KHDRBS3: variants seen among roughly 807,000 people sequenced by gnomAD.
KHDRBS3 encodes the protein KH domain-containing, RNA-binding, signal transduction-associated protein 3.
KHDRBS3 carries 23 observed loss-of-function variants against 45.6 expected under a neutral mutation model. The observed-to-expected ratio is 0.50, with a 90% confidence interval of 0.36 to 0.72. The LOEUF (loss-of-function observed/expected upper bound fraction) is 0.72. KHDRBS3 is among the 30% of genes least tolerant of loss of function. KHDRBS3 has a pLI of 0.00. For missense variants in KHDRBS3, 352 were observed against 424.8 expected (o/e 0.83, Z 1.51); for synonymous variants, 162 against 156.5 (o/e 1.04, Z -0.26).
At chr8:135,522,950 A>T (rs1824992783) in intron 2 of KHDRBS3, among the ~76,000 whole-genome samples, 1 of 152,120 alleles carries the variant, frequency 6.6e-6, no homozygotes, top group Non-Finnish European at 1.5e-5. Context: ...GCCTTTGATG[A>T]GACAATCAGG....
chr8:135,635,177 A>G (rs1478677604), intron 7 of KHDRBS3, among the ~76,000 whole-genome samples: 1 of 152,222 alleles, frequency 6.6e-6, no homozygotes, highest in Admixed American at 6.5e-5. Flanking sequence ...ATTTTTATGA[A>G]AAATCTCTAT....
At chr8:135,469,590 G>A (rs931296796) in intron 1 of KHDRBS3, among the ~76,000 whole-genome samples, 2 of 147,002 alleles carry the variant, frequency 1.4e-5, no homozygotes, top group Middle Eastern at 3.6e-3. Context: ...GTGCAATGGC[G>A]CGGTCTTGGC....
At chr8:135,590,736 T>A (rs562253835) in intron 6 of KHDRBS3, among the ~76,000 whole-genome samples, 116 of 152,336 alleles carry the variant, frequency 7.6e-4, no homozygotes, top group African/African-American at 2.8e-3. Context: ...AAATGAGATT[T>A]AAAAAATACA....
intron 1 of KHDRBS3, among the ~76,000 whole-genome samples, chr8:135,492,516 C>CATAT (rs3029812): frequency 0.098 from 14,223 of 145,658 alleles, 1,416 homozygotes; most frequent in East Asian, 0.41. Flanking sequence ...TATATATATA[C>CATAT]ATATATATAT....
At chr8:135,517,155 C>G (rs1824652782) in intron 1 of KHDRBS3, among the ~76,000 whole-genome samples, 1 of 152,166 alleles carries the variant, frequency 6.6e-6, no homozygotes, top group Admixed American at 6.5e-5. Context: ...GGTTTGAAAA[C>G]ATAGCATTTT....
At chr8:135,617,036 C>T (rs552727275) in intron 7 of KHDRBS3, among the ~76,000 whole-genome samples, 1 of 151,980 alleles carries the variant, frequency 6.6e-6, no homozygotes, top group African/African-American at 2.4e-5. Context: ...AGCTCTACTA[C>T]TTTCTTAGCT....
At chr8:135,582,224 A>T in intron 6 of KHDRBS3, 151 bp downstream of exon 6, 5 of 725,070 alleles carry the variant, frequency 6.9e-6, no homozygotes, top group Non-Finnish European at 1.0e-5. Flanking sequence ...AGTGCTAAAG[A>T]AGTACTTAAT....
At chr8:135,458,249 G>C (rs1821220644) in intron 1 of KHDRBS3, 2 of 1,128,714 alleles carry the variant, frequency 1.8e-6, no homozygotes, top group South Asian at 4.5e-5. Context: ...GTGGGGGACA[G>C]CGACCATCTG....
intron 6 of KHDRBS3, among the ~76,000 whole-genome samples, chr8:135,606,066 T>C (rs574267343): frequency 1.3e-5 from 2 of 152,292 alleles, no homozygotes; most frequent in South Asian, 2.1e-4. Flanking sequence ...GTCTCCTCTG[T>C]GTTAGTTTAC....
intron 2 of KHDRBS3, among the ~76,000 whole-genome samples, chr8:135,527,006 C>A (rs1825223570): frequency 6.6e-6 from 1 of 151,796 alleles, no homozygotes; most frequent in East Asian, 1.9e-4. Flanking sequence ...TCAATATAAA[C>A]CCCAAATCAA....
chr8:135,606,779 G>T (rs377090029), intron 6 of KHDRBS3, among the ~76,000 whole-genome samples, 176 bp from the exon 7 acceptor site: 1 of 152,134 alleles, frequency 6.6e-6, no homozygotes, highest in Non-Finnish European at 1.5e-5. Context: ...CTTTGCTTTT[G>T]TAGAGAGAAT....
At chr8:135,597,706 A>G (rs761639558) in intron 6 of KHDRBS3, among the ~76,000 whole-genome samples, 7 of 152,142 alleles carry the variant, frequency 4.6e-5, no homozygotes, top group Non-Finnish European at 7.3e-5. Context: ...CCTAGTTGGC[A>G]TTCAACAACA....
In KHDRBS3 at chr8:135,463,277, G is replaced by A. The variant is rs1586546378; in HGVS notation, c.88+5323G>A. On this transcript the variant is annotated intron_variant, in intron 1 of 8. Transcript: ENST00000355849. ...TGTTACGTGTTAATTATCATTAAGGGTAGCAGAATCAGAAAGTATATTTGG... is the reference window on the plus strand; with the variant it reads ...TGTTACGTGTTAATTATCATTAAGGATAGCAGAATCAGAAAGTATATTTGG... Among the ~76,000 whole-genome samples the A allele has an allele frequency of 2.0e-5, 3 of 152,128 alleles. No homozygotes were observed. In the East Asian group the frequency reaches 5.8e-4, roughly 29 times the overall value.
At chr8:135,613,719 T>TG (rs1829797945) in intron 7 of KHDRBS3, among the ~76,000 whole-genome samples, 1 of 151,642 alleles carries the variant, frequency 6.6e-6, no homozygotes, top group Non-Finnish European at 1.5e-5. Flanking sequence ...TTCCTGTGGA[T>TG]GGTCAGTGTC....
At chr8:135,480,596 A>G (rs903348080) in intron 1 of KHDRBS3, among the ~76,000 whole-genome samples, 3 of 152,148 alleles carry the variant, frequency 2.0e-5, no homozygotes, top group Non-Finnish European at 2.9e-5. Context: ...GGCACTCTTT[A>G]CATACTTGAA....
chr8:135,469,147 T>C (rs900845059), intron 1 of KHDRBS3, among the ~76,000 whole-genome samples: 3 of 152,248 alleles, frequency 2.0e-5, no homozygotes, highest in African/African-American at 7.2e-5. Context: ...TATACCCCTT[T>C]TATTGTCTCA....
At chr8:135,620,854 C>T (rs1830109833) in intron 7 of KHDRBS3, among the ~76,000 whole-genome samples, 3 of 152,158 alleles carry the variant, frequency 2.0e-5, no homozygotes, top group Admixed American at 2.0e-4. Flanking sequence ...GCGGAACCTG[C>T]TGGACTTGAG....
At chr8:135,567,790 G>A (rs1827502410) in intron 5 of KHDRBS3, among the ~76,000 whole-genome samples, 2 of 152,202 alleles carry the variant, frequency 1.3e-5, no homozygotes. Context: ...AAGACTAAGA[G>A]CAAAGTACTA....
chr8:135,610,413 A>C (rs1044391872), intron 7 of KHDRBS3, among the ~76,000 whole-genome samples: 2 of 151,884 alleles, frequency 1.3e-5, no homozygotes, highest in African/African-American at 4.9e-5. Flanking sequence ...TTATATATTT[A>C]TATGACAGAT....
Sources: allele counts gnomAD v4.1 joint callset (sites outside exome capture counted in the v4.1 genomes callset), GRCh38; gene constraint gnomAD v4.1.1; transcripts MANE v1.5; gene names NCBI Gene and HGNC (gene_info 2026-07-23, HGNC 2026-07-21).